KCNAB1: variants seen among roughly 807,000 people sequenced by gnomAD.
KCNAB1 encodes the protein voltage-gated potassium channel subunit beta-1.
Under a neutral mutation model 64.6 loss-of-function variants are expected in KCNAB1, and 35 were observed. The observed-to-expected ratio is 0.54, with a 90% CI of 0.41 to 0.72. KCNAB1 has a LOEUF of 0.72. Ranked by LOEUF, KCNAB1 falls within the 30% of genes least tolerant of loss-of-function variation. KCNAB1 has a pLI of 0.00. For missense variants in KCNAB1, 401 were observed against 512.9 expected (o/e 0.78, Z 2.11); for synonymous variants, 177 against 183.8 (o/e 0.96, Z 0.30).
chr3:156,530,319 G>A (rs550485639), intron 12 of KCNAB1, among the ~76,000 whole-genome samples: 1 of 152,302 alleles, frequency 6.6e-6, no homozygotes, highest in South Asian at 2.1e-4. Flanking sequence ...GGAGGATATG[G>A]ATGTGGATGC....
At chr3:156,379,194 A>G (rs534754615) in intron 1 of KCNAB1, among the ~76,000 whole-genome samples, 1 of 152,256 alleles carries the variant, frequency 6.6e-6, no homozygotes, top group South Asian at 2.1e-4. Context: ...TCTGTTTCTG[A>G]GCTTGGTTGA....
intron 1 of KCNAB1, among the ~76,000 whole-genome samples, chr3:156,257,155 C>T (rs1718144572): frequency 6.6e-6 from 1 of 152,168 alleles, no homozygotes; most frequent in Admixed American, 6.5e-5. Context: ...CATCATTTTC[C>T]TGCCAGGACT....
intron 1 of KCNAB1, among the ~76,000 whole-genome samples, chr3:156,417,281 C>T (rs536042842): frequency 6.6e-6 from 1 of 152,222 alleles, no homozygotes; most frequent in South Asian, 2.1e-4. Flanking sequence ...GAGTATAATT[C>T]AGAAGGATCA....
At chr3:156,132,766 A>G (rs1315518554) in intron 1 of KCNAB1, among the ~76,000 whole-genome samples, 6 of 152,222 alleles carry the variant, frequency 3.9e-5, no homozygotes, top group African/African-American at 1.4e-4. Flanking sequence ...ATGTTTTTCT[A>G]TAATGTACCT....
chr3:156,436,625 G>A (rs185009202), intron 2 of KCNAB1, among the ~76,000 whole-genome samples: 1 of 152,254 alleles, frequency 6.6e-6, no homozygotes, highest in East Asian at 1.9e-4. Context: ...GGCATGAAAT[G>A]GTATCTCATT....
chr3:156,501,252 C>G (rs185745587), intron 8 of KCNAB1, among the ~76,000 whole-genome samples: 2 of 152,026 alleles, frequency 1.3e-5, no homozygotes, highest in East Asian at 3.9e-4. Flanking sequence ...AAGAAGAAAC[C>G]ATTTAGAATA....
intron 1 of KCNAB1, among the ~76,000 whole-genome samples, chr3:156,262,608 G>A (rs576358048): frequency 9.9e-5 from 15 of 151,882 alleles, no homozygotes; most frequent in Non-Finnish European, 1.6e-4. Context: ...TTACATTTAT[G>A]TTCATGAGTG....
intron 1 of KCNAB1, among the ~76,000 whole-genome samples, chr3:156,342,585 C>CTTTTTTTTTTTTTTTTTTTTTTTTTT (rs60982892): frequency 5.2e-4 from 45 of 86,196 alleles, no homozygotes; most frequent in South Asian, 1.2e-3. Flanking sequence ...CTATGTGTTT[C>CTTTTTTTTTTTTTTTTTTTTTTTTTT]TTTTTTTTTT....
chr3:156,497,393 G>A (rs924829658), intron 8 of KCNAB1, among the ~76,000 whole-genome samples: 1 of 152,148 alleles, frequency 6.6e-6, no homozygotes, highest in Non-Finnish European at 1.5e-5. Flanking sequence ...TCTCATTAGG[G>A]TAAATATTTT....
At chr3:156,129,690 G>A (rs1442553616) in intron 1 of KCNAB1, among the ~76,000 whole-genome samples, 1 of 152,188 alleles carries the variant, frequency 6.6e-6, no homozygotes, top group Non-Finnish European at 1.5e-5. Flanking sequence ...TGCATAGGAA[G>A]GGGCCTTCAG....
intron 1 of KCNAB1, among the ~76,000 whole-genome samples, chr3:156,141,213 T>A (rs1394132947): frequency 6.6e-6 from 1 of 152,190 alleles, no homozygotes; most frequent in Non-Finnish European, 1.5e-5. Context: ...AGGAAACTGA[T>A]GATGACACAA....
chr3:156,282,139 G>A (rs1490873644), intron 1 of KCNAB1, among the ~76,000 whole-genome samples: 2 of 146,240 alleles, frequency 1.4e-5, no homozygotes, highest in Admixed American at 6.7e-5. Context: ...TGCTTTGAAT[G>A]CGTCCCAGAG....
At chr3:156,518,584 A>G (rs1397049089) in intron 11 of KCNAB1, among the ~76,000 whole-genome samples, 1 of 152,060 alleles carries the variant, frequency 6.6e-6, no homozygotes, top group Non-Finnish European at 1.5e-5. Flanking sequence ...GAATAAGTAA[A>G]TAGTTTGTGT....
At chr3:156,186,541 T>C (rs983961944) in intron 1 of KCNAB1, among the ~76,000 whole-genome samples, 2 of 152,136 alleles carry the variant, frequency 1.3e-5, no homozygotes, top group Non-Finnish European at 2.9e-5. Flanking sequence ...AGTGTTTCCT[T>C]TTTACAGACA....
At chr3:156,410,791 C>T (rs765361687) in intron 1 of KCNAB1, among the ~76,000 whole-genome samples, 7 of 152,206 alleles carry the variant, frequency 4.6e-5, no homozygotes, top group East Asian at 3.9e-4. Flanking sequence ...TTTTTATTGC[C>T]GAGTAGTATT....
intron 1 of KCNAB1, among the ~76,000 whole-genome samples, chr3:156,248,543 G>A (rs986690335): frequency 1.6e-5 from 2 of 127,128 alleles, no homozygotes; most frequent in Non-Finnish European, 3.2e-5. Flanking sequence ...TCATGTTATT[G>A]CTTACAGATG....
intron 8 of KCNAB1, among the ~76,000 whole-genome samples, chr3:156,494,516 G>A (rs1168306114): frequency 6.6e-6 from 1 of 152,154 alleles, no homozygotes; most frequent in African/African-American, 2.4e-5. Context: ...AATAGCTTAT[G>A]AGTGAAGGAC....
chr3:156,199,695 G>C (rs1167384709), intron 1 of KCNAB1, among the ~76,000 whole-genome samples: 1 of 152,168 alleles, frequency 6.6e-6, no homozygotes, highest in Admixed American at 6.5e-5. Flanking sequence ...TTCTAAACCA[G>C]TTATTCTAGT....
At chr3:156,535,754 T>C (rs1719010606) in intron 13 of KCNAB1, among the ~76,000 whole-genome samples, 1 of 152,114 alleles carries the variant, frequency 6.6e-6, no homozygotes. Flanking sequence ...TCCACTGCCC[T>C]AGTTAAGGCC....
Sources: gnomAD v4.1 joint callset for allele counts (sites outside exome capture counted in the v4.1 genomes callset) on GRCh38, gnomAD v4.1.1 for gene constraint, MANE v1.5 for transcripts, NCBI Gene and HGNC (gene_info 2026-07-23, HGNC 2026-07-21) for gene names.